The following XRN1 variants were observed in gnomAD, a reference collection of about 807,000 sequenced individuals.
XRN1 encodes strand-exchange protein 1 homolog.
In XRN1, 67 loss-of-function variants were observed where a neutral mutation model predicts 222.3. The ratio of observed to expected loss-of-function variants is 0.30; its 90% CI spans 0.25 to 0.37. XRN1 has a LOEUF of 0.37. Ranked by LOEUF, XRN1 falls within the 10% of genes least tolerant of loss-of-function variation. The pLI is 1.00. For synonymous variants in XRN1, 643 were observed against 652.4 expected (o/e 0.99, Z 0.22); for missense variants, 1,707 against 2,000.2 (o/e 0.85, Z 2.80).
Position 142,356,897 on chromosome 3 carries a change from G to A in XRN1, c.3672+15C>T. 1 of 1,611,322 alleles carries A rather than the reference G, an allele frequency of 6.2e-7. No individual in the cohort carries two copies. The highest frequency in any genetic ancestry group is 2.2e-5 in the East Asian group (1 of 44,832). On this transcript the variant is annotated intron_variant, in intron 31 of 40. Transcript: ENST00000392981. ...TAAAAGGGGTAGAGGAGAAGTTAAA[G>A]ACTGAGAGTCTTACTTGAGTAGGAA...
At chr3:142,312,360 T>G (rs2065100420) in intron 40 of XRN1, among the ~76,000 whole-genome samples, 1 of 152,200 alleles carries the variant, frequency 6.6e-6, no homozygotes, top group South Asian at 2.1e-4. Context: ...TTTATTTATA[T>G]TACTGATTTT....
intron 3 of XRN1, among the ~76,000 whole-genome samples, chr3:142,426,012 T>C (rs554735856): frequency 1.1e-4 from 16 of 152,120 alleles, no homozygotes; most frequent in African/African-American, 2.9e-4. Flanking sequence ...TCTACAATGA[T>C]TACATTTTGG....
chr3:142,432,819 A>T lies in XRN1; in HGVS notation c.150T>A (p.Asp50Glu). The change falls in exon 2 of 41, where the codon GAT (aspartate) becomes GAA (glutamate). Residue 50 changes from aspartate (D) to glutamate (E), a missense_variant. Physicochemically the swap from Asp to Glu is conservative, Grantham distance 45. Coordinates refer to ENST00000392981, the MANE Select transcript of XRN1 (RefSeq NM_001282857.2). The part of the protein sequence containing the change: ...IHQCSHPNDD[D>E]VHFRISDDKI... ...TATCATCTGAAATTCTAAAGTGAAC[A>T]TCATCATCATTAGGATGGGAGCACT... The T allele has an allele frequency of 6.2e-7, 1 of 1,613,976 alleles. No individual in the cohort carries two copies. Among genetic ancestry groups the T allele is most frequent in the Non-Finnish European group, 8.5e-7 (1 of 1,179,958 alleles).
intron 2 of XRN1, among the ~76,000 whole-genome samples, chr3:142,431,847 A>ATATATATATTATATATAATATATTATAT (rs71153964): frequency 2.8e-4 from 13 of 46,156 alleles, no homozygotes; most frequent in Admixed American, 9.1e-4. Flanking sequence ...ATATTAAAAA[A>ATATATATATTATATATAATATATTATAT]TATATATATT....
intron 20 of XRN1, among the ~76,000 whole-genome samples, chr3:142,391,999 C>T (rs2067742840): frequency 6.6e-6 from 1 of 151,696 alleles, no homozygotes; most frequent in Non-Finnish European, 1.5e-5. Context: ...ACTTCCTTGC[C>T]CCCTTTTCCA....
At chr3:142,397,742 T>A (rs1417039379) in intron 19 of XRN1, among the ~76,000 whole-genome samples, 1 of 152,162 alleles carries the variant, frequency 6.6e-6, no homozygotes, top group African/African-American at 2.4e-5. Context: ...ATAGAAGGAA[T>A]AAGTTCCAGT....
intron 21 of XRN1, among the ~76,000 whole-genome samples, chr3:142,384,283 A>C (rs2067414783): frequency 6.6e-6 from 1 of 151,190 alleles, no homozygotes; most frequent in South Asian, 2.1e-4. Flanking sequence ...AAAAAAAAAA[A>C]AGAAAAAAAA....
chr3:142,332,723 T>A, intron 35 of XRN1, 189 bp from the exon 36 acceptor site: 1 of 721,058 alleles, frequency 1.4e-6, no homozygotes, highest in Non-Finnish European at 2.1e-6. Context: ...ACGATACTTA[T>A]CCTCCTGCTT....
intron 1 of XRN1, 124 bp from the exon 2 acceptor site, chr3:142,433,017 C>G (rs2069697076): frequency 1.4e-6 from 1 of 733,176 alleles, no homozygotes; most frequent in African/African-American, 1.8e-5. Context: ...TATACAAAAA[C>G]TGAGTAAACA....
intron 2 of XRN1, among the ~76,000 whole-genome samples, chr3:142,432,053 G>T: frequency 1.1e-5 from 1 of 90,230 alleles, no homozygotes; most frequent in African/African-American, 4.8e-5. Flanking sequence ...ACGGAGTTTT[G>T]CATATATATA....
At chr3:142,388,677 G>C (rs1206883972) in intron 20 of XRN1, among the ~76,000 whole-genome samples, 1 of 152,220 alleles carries the variant, frequency 6.6e-6, no homozygotes, top group Non-Finnish European at 1.5e-5. Context: ...AAAGTTTGCT[G>C]TATCAGCTGA....
chr3:142,377,763 A>C (rs1050638625), intron 23 of XRN1, among the ~76,000 whole-genome samples: 5 of 152,244 alleles, frequency 3.3e-5, no homozygotes, highest in African/African-American at 4.8e-5. Flanking sequence ...TGTAAAGAGA[A>C]AGAAACAACA....
At chr3:142,364,997 A>G in intron 29 of XRN1, 50 bp downstream of exon 29, 1 of 1,561,048 alleles carries the variant, frequency 6.4e-7, no homozygotes, top group Middle Eastern at 1.7e-4. Flanking sequence ...CCTGTTTATT[A>G]CTTTACAATA....
chr3:142,447,996 C>T lies in XRN1; in HGVS notation c.-52G>A, dbSNP rs1454960073. 1 of 1,589,018 alleles carries T rather than the reference C, an allele frequency of 6.3e-7. No individual in the cohort carries two copies. The highest frequency in any genetic ancestry group is 1.1e-5 in the South Asian group (1 of 90,198). Reference sequence around the variant, plus strand: ...AGGGCCAAACCGAAACCAAACGCCCCGCCGGGGCTCCGCCGCAGCCTCCGG... The same window carrying T: ...AGGGCCAAACCGAAACCAAACGCCCTGCCGGGGCTCCGCCGCAGCCTCCGG... On this transcript the variant is annotated 5_prime_UTR_variant, in exon 1 of 41. Transcript: ENST00000392981. This position sits in a 1 kb window ranked among gnomAD's most constrained non-coding sequence, Gnocchi z 4.2.
chr3:142,321,270 C>A (rs2065348057), intron 37 of XRN1, among the ~76,000 whole-genome samples: 1 of 151,964 alleles, frequency 6.6e-6, no homozygotes. Context: ...CAGGTGCATG[C>A]CATCATGTCC....
chr3:142,426,657 T>C (rs1170418949), intron 3 of XRN1, 87 bp downstream of exon 3: 9 of 1,298,584 alleles, frequency 6.9e-6, no homozygotes, highest in Non-Finnish European at 9.7e-6. Context: ...CCAAAATAAA[T>C]AGAGCATAGA....
At chr3:142,369,664 A>C (rs572960792) in intron 27 of XRN1, among the ~76,000 whole-genome samples, 24 of 151,328 alleles carry the variant, frequency 1.6e-4, no homozygotes, top group Non-Finnish European at 2.5e-4. Flanking sequence ...TAAAAAAAAA[A>C]AAAAAAACAA....
rs2065063965 is a variant in XRN1 at position 142,311,047 on chromosome 3, GAAAT to G, written c.*460_*463del. On this transcript the variant is annotated 3_prime_UTR_variant, in exon 41 of 41. Coordinates refer to ENST00000392981, the MANE Select transcript of XRN1 (RefSeq NM_001282857.2). The stretch of plus-strand genomic sequence containing the variant: ...CAATTTTCTTACATCATTAAAAAGA[GAAAT>G]AAAATCCACATTCAGTAAGTTATAC... The G allele has an allele frequency of 6.5e-6, 1 of 152,740 alleles. No homozygotes were observed. The highest frequency in any genetic ancestry group is 2.4e-5 in the African/African-American group (1 of 41,434). The allele number at this position is 152,740 out of a possible 1,614,324, so 9.5% of individuals were successfully genotyped here. A position where few individuals can be genotyped will look rare whatever the true frequency, so the allele number is the denominator to read the frequency against.
intron 39 of XRN1, among the ~76,000 whole-genome samples, chr3:142,318,130 T>C (rs1262848883): frequency 6.6e-6 from 1 of 152,184 alleles, no homozygotes; most frequent in South Asian, 2.1e-4. Context: ...AAATAAATTA[T>C]TGGCTTTAAA....
Sources: gnomAD v4.1 joint callset for allele counts (sites outside exome capture counted in the v4.1 genomes callset) on GRCh38, gnomAD v4.1.1 for gene constraint, Gnocchi (gnomAD v3.1) non-coding constraint, MANE v1.5 for transcripts, NCBI Gene and HGNC (gene_info 2026-07-23, HGNC 2026-07-21) for gene names.